KHSRP: variants seen among roughly 807,000 people sequenced by gnomAD.
KHSRP encodes the protein far upstream element-binding protein 2.
In KHSRP, 13 loss-of-function variants were observed where a neutral mutation model predicts 94.9. That is an observed-to-expected ratio of 0.14 (90% confidence interval 0.09 to 0.22). KHSRP has a LOEUF of 0.22. Among genes scored for constraint, KHSRP ranks in the 10% least tolerant of loss-of-function variants. The probability of loss-of-function intolerance (pLI) is 1.00; values close to 1 mark genes in which losing one functional copy is unlikely to be tolerated. For missense variants in KHSRP, 710 were observed against 1,010.0 expected (o/e 0.70, Z 4.03); for synonymous variants, 495 against 401.4 (o/e 1.23, Z -2.79).
Position 6,421,390 on chromosome 19 carries a change from C to A in KHSRP, c.386-73G>T. The A allele has an allele frequency of 2.0e-6, 3 of 1,482,176 alleles. No individual in the cohort carries two copies. In the South Asian group the frequency reaches 3.6e-5, roughly 18 times the overall value. The allele number at this position is 1,482,176 out of a possible 1,614,324, so 91.8% of individuals were successfully genotyped here. A position where few individuals can be genotyped will look rare whatever the true frequency, so the allele number is the denominator to read the frequency against. The stretch of plus-strand genomic sequence containing the variant: ...GCACTTGGCACTGCCTGCCCCGGGT[C>A]AGTGGGAGCTGAGCCCGGCACCACG... On this transcript the variant is annotated intron_variant, in intron 3 of 18. Transcript: ENST00000600480.
rs1050439557 is a variant in KHSRP at position 6,421,773 on chromosome 19, A to G, written c.347-85T>C. 5.3e-6 allele frequency: 8 copies of G among 1,502,990 alleles called. No individual in the cohort carries two copies. In the East Asian group the frequency reaches 1.6e-4, roughly 30 times the overall value. The allele number at this position is 1,502,990 out of a possible 1,614,324, so 93.1% of individuals were successfully genotyped here. On this transcript the variant is annotated intron_variant, in intron 2 of 18. Transcript: ENST00000600480. ...GATGCTGGTGCCACATGTCCAAGGT[A>G]AACAGTGCCCCTCGGCCCCCACCCT...
At position 6,415,064 on chromosome 19, in the gene KHSRP, C is replaced by A. The variant is rs1238033634; in HGVS notation, c.2204G>T (p.Gly735Val). ...GCAGGGGAAGGGGTTTCCGGCGCTA[C>A]CCACTAAGGCAGGATGGACGGTGGC... ...PPATVHPALVGSAGNPFPCGV... is the reference protein window; with the variant it reads ...PPATVHPALVVSAGNPFPCGV... The change falls in exon 19 of 19, where the codon GGT becomes GTT. Residue 735 changes from glycine (G) to valine (V), a missense_variant. This residue lies in a region of KHSRP where 292 missense variants were observed against 340.5 expected (regional missense o/e 0.86). Transcript: ENST00000600480. The A allele has an allele frequency of 6.4e-7, 1 of 1,574,460 alleles. No individual in the cohort carries two copies. The highest frequency in any genetic ancestry group is 1.1e-5 in the South Asian group (1 of 88,016).
Position 6,417,100 on chromosome 19 carries a change from C to A in KHSRP, c.1082-13G>T, listed in dbSNP as rs773204938. ...CCTGTCCCGTCATCTGAGGCCAGCACCGAGAGAGCAGAGACACAAGTTTAA... is the reference window on the plus strand; with the variant it reads ...CCTGTCCCGTCATCTGAGGCCAGCAACGAGAGAGCAGAGACACAAGTTTAA... On this transcript the variant is annotated splice_polypyrimidine_tract_variant and intron_variant, in intron 11 of 18. Transcript: ENST00000600480. The A allele has an allele frequency of 2.5e-6, 4 of 1,594,608 alleles. No homozygotes were observed. Among genetic ancestry groups the A allele is most frequent in the Non-Finnish European group, 2.6e-6 (3 of 1,173,716 alleles).
intron 1 of KHSRP, 28 bp downstream of exon 1, chr19:6,424,425 G>A (rs1199289753): frequency 1.5e-5 from 15 of 983,980 alleles, no homozygotes; most frequent in Non-Finnish European, 1.8e-5. Flanking sequence ...GCGCGCGAGC[G>A]CGCCCCTCAG....
intron 1 of KHSRP, 51 bp downstream of exon 1, chr19:6,424,402 C>G (rs1035792871): frequency 8.3e-6 from 8 of 958,722 alleles, no homozygotes; most frequent in Non-Finnish European, 9.9e-6. Context: ...CGCCCCCTCC[C>G]CCGCCTGCGC....
intron 1 of KHSRP, 68 bp from the exon 2 acceptor site, chr19:6,422,504 T>C: frequency 8.8e-7 from 1 of 1,142,266 alleles, no homozygotes; most frequent in Middle Eastern, 1.9e-4. Flanking sequence ...CCAGGTCAAC[T>C]TCTCAGAACA....
intron 15 of KHSRP, among the ~76,000 whole-genome samples, 188 bp from the exon 16 acceptor site, chr19:6,416,084 AAAG>A (rs2092143799): frequency 6.6e-6 from 1 of 152,330 alleles, no homozygotes; most frequent in South Asian, 2.1e-4. Context: ...TGAGGACATG[AAAG>A]AAGCCGCGAA....
chr19:6,420,047 C>CT, intron 6 of KHSRP, 26 bp downstream of exon 6: 1 of 1,586,736 alleles, frequency 6.3e-7, no homozygotes, highest in Non-Finnish European at 8.7e-7. Context: ...GGCCCCCACT[C>CT]TGGCAGGAAC....
Position 6,415,822 on chromosome 19 carries a change from G to A in KHSRP, c.1673C>T (p.Ala558Val). The change falls in exon 16 of 19, where the codon GCT becomes GTT. Residue 558 changes from alanine to valine, a missense_variant. Transcript: ENST00000600480. ...GNTYPQWQPPAPHDPSKAAAA... is the reference protein window; with the variant it reads ...GNTYPQWQPPVPHDPSKAAAA... ...CCATCACTTACTTGGGTCATGAGGA[G>A]CAGGCGGCTGCCACTGGGGGTAGGT... 2 of 1,572,300 alleles carry A rather than the reference G, an allele frequency of 1.3e-6. No individual in the cohort carries two copies. Among genetic ancestry groups the A allele is most frequent in the Non-Finnish European group, 1.7e-6 (2 of 1,159,656 alleles).
At position 6,418,638 on chromosome 19, in the gene KHSRP, T is replaced by TGTGGTG. The variant is rs2092172539; in HGVS notation, c.780+58_781-58dup. 1 of 1,612,928 alleles carries TGTGGTG rather than the reference T, an allele frequency of 6.2e-7. No homozygotes were observed. The highest frequency in any genetic ancestry group is 8.5e-7 in the Non-Finnish European group (1 of 1,178,952). On this transcript the variant is annotated intron_variant, in intron 8 of 18. Transcript: ENST00000600480. The surrounding 1 kb of genome is among the most constrained non-coding windows in gnomAD (Gnocchi z 4.3). The stretch of plus-strand genomic sequence containing the variant: ...GCTCTCCCAGGACTTCCTGGGCTGC[T>TGTGGTG]GTGGTGGTGGCGGTGGGGTGTGGCA...
At position 6,414,211 on chromosome 19, in the gene KHSRP, TGGG is replaced by T; in HGVS notation, c.*810_*812del. ...GAAGAGAGGAGGGGCTGGAACACCG[TGGG>T]GGGGGCCAGGAAGCCCCCTCCCAAA... is the stretch of plus-strand genomic sequence containing the variant. On this transcript the variant is annotated 3_prime_UTR_variant, in exon 19 of 19. Coordinates refer to ENST00000600480, the MANE Select transcript of KHSRP (RefSeq NM_001366299.1). The T allele has an allele frequency of 1.4e-6, 2 of 1,394,152 alleles. No homozygotes were observed. The highest frequency in any genetic ancestry group is 1.9e-6 in the Non-Finnish European group (2 of 1,058,552). The allele number at this position is 1,394,152 out of a possible 1,614,324, so 86.4% of individuals were successfully genotyped here.
In KHSRP at chr19:6,418,155, G is replaced by A. The variant is rs1007361886; in HGVS notation, c.880-76C>T. ...CCCCCCCACCTCCTCGGGGGTGCGG[G>A]CCTCAACTAAGGACCCACGAACCCT... On this transcript the variant is annotated intron_variant, in intron 9 of 18. Transcript: ENST00000600480. This position sits in a 1 kb window ranked among gnomAD's most constrained non-coding sequence, Gnocchi z 4.3. 1 of 1,356,292 alleles carries A rather than the reference G, an allele frequency of 7.4e-7. No individual in the cohort carries two copies. The highest frequency in any genetic ancestry group is 2.4e-5 in the East Asian group (1 of 42,214). 84.0% of individuals were successfully genotyped at this position (1,356,292 alleles called of 1,614,324 possible).
At chr19:6,420,573 G>A (rs1240220573) in intron 4 of KHSRP, 102 bp from the exon 5 acceptor site, 2 of 1,050,492 alleles carry the variant, frequency 1.9e-6, no homozygotes, top group South Asian at 1.3e-5. Flanking sequence ...GGTCTAAGCA[G>A]AGTCTGACCA....
chr19:6,418,461 C>A lies in KHSRP; in HGVS notation c.879+22G>T, dbSNP rs1253241124. On this transcript the variant is annotated intron_variant, in intron 9 of 18. Coordinates refer to ENST00000600480, the MANE Select transcript of KHSRP (RefSeq NM_001366299.1). This position sits in a 1 kb window ranked among gnomAD's most constrained non-coding sequence, Gnocchi z 4.3. ...GCCCGTGCCTCTCCAGAACCCCCTC[C>A]ACCACCCCAGGGCGTGCTCACCTGC... 6.3e-7 allele frequency: 1 copy of A among 1,597,036 alleles called. No individual in the cohort carries two copies. The highest frequency in any genetic ancestry group is 1.7e-5 in the Admixed American group (1 of 59,294).
chr19:6,415,945 G>A lies in KHSRP; in HGVS notation c.1599-49C>T, dbSNP rs187163923. The A allele has an allele frequency of 4.8e-5, 58 of 1,207,720 alleles. 1 individual carries two copies. In the African/African-American group the frequency reaches 7.4e-4, roughly 15 times the overall value. The allele number at this position is 1,207,720 out of a possible 1,614,324, so 74.8% of individuals were successfully genotyped here. A position where few individuals can be genotyped will look rare whatever the true frequency, so the allele number is the denominator to read the frequency against. The stretch of plus-strand genomic sequence containing the variant: ...CTTGAGCAGTGGTGCGGGGGTGGCC[G>A]CAGCCGGACCACCTGGGGTGGGGAT... On this transcript the variant is annotated intron_variant, in intron 15 of 18. Transcript: ENST00000600480.
In KHSRP at chr19:6,419,468, T is replaced by C. The variant is rs1031009742; in HGVS notation, c.548-208A>G. Reference sequence around the variant, plus strand: ...AGATCCCAGAAGGGAGGTAGGACTTTAAGGGAAAAGGATGAGGTGGAGGGA... The same window carrying C: ...AGATCCCAGAAGGGAGGTAGGACTTCAAGGGAAAAGGATGAGGTGGAGGGA... On this transcript the variant is annotated intron_variant, in intron 6 of 18. Coordinates refer to ENST00000600480, the MANE Select transcript of KHSRP (RefSeq NM_001366299.1). Among the ~76,000 whole-genome samples, 4 of 152,058 alleles carry C rather than the reference T, an allele frequency of 2.6e-5. No homozygotes were observed. The South Asian group carries it at 8.3e-4, about 32-fold the overall frequency.
chr19:6,416,706 G>A (rs758151183), intron 13 of KHSRP, 32 bp downstream of exon 13: 68 of 1,611,150 alleles, frequency 4.2e-5, no homozygotes, highest in Non-Finnish European at 5.3e-5. Context: ...GGAAGAGGGG[G>A]CAAGGGATAG....
chr19:6,413,888 A>C lies in KHSRP; in HGVS notation c.*1136T>G. 2.0e-5 allele frequency: 8 copies of C among 396,378 alleles called. No individual in the cohort carries two copies. Among genetic ancestry groups the C allele is most frequent in the East Asian group, 4.0e-5 (1 of 25,064 alleles). 24.6% of individuals were successfully genotyped at this position (396,378 alleles called of 1,614,324 possible). ...TCTTCTCTGGCTGGCTCAACATGGA[A>C]GGATCCCAATTTTGAAAGAAAAAGC... On this transcript the variant is annotated 3_prime_UTR_variant, in exon 19 of 19. Coordinates refer to ENST00000600480, the MANE Select transcript of KHSRP (RefSeq NM_001366299.1).
chr19:6,424,712 G>A lies in KHSRP; in HGVS notation c.-11C>T. ...GCTGTAGTCCGACATGGCGCGGCGG[G>A]GCCGGGCCTGGCGCGGAGGCTGAAG... is the stretch of plus-strand genomic sequence containing the variant. On this transcript the variant is annotated 5_prime_UTR_variant, in exon 1 of 19. Transcript: ENST00000600480. 3 of 1,034,862 alleles carry A rather than the reference G, an allele frequency of 2.9e-6. No individual in the cohort carries two copies. The highest frequency in any genetic ancestry group is 2.3e-6 in the Non-Finnish European group (2 of 860,554). The allele number at this position is 1,034,862 out of a possible 1,614,324, so 64.1% of individuals were successfully genotyped here.
Sources: allele counts gnomAD v4.1 joint callset (sites outside exome capture counted in the v4.1 genomes callset), GRCh38; gene constraint gnomAD v4.1.1; regional missense constraint gnomAD v4.1.1; non-coding constraint Gnocchi (gnomAD v3.1); transcripts MANE v1.5; gene names NCBI Gene and HGNC (gene_info 2026-07-23, HGNC 2026-07-21).